GPR158: variants seen among roughly 807,000 people sequenced by gnomAD.
GPR158 encodes the protein G protein-coupled receptor 158, also known as metabotropic glycine receptor.
GPR158 carries 30 observed loss-of-function variants against 78.2 expected under a neutral mutation model. That is an observed-to-expected ratio of 0.38 (90% CI 0.29 to 0.52). The LOEUF is 0.52. Among genes scored for constraint, GPR158 ranks in the 20% least tolerant of loss-of-function variants. The probability of loss-of-function intolerance (pLI) is 0.83; values close to 1 mark genes in which losing one functional copy is unlikely to be tolerated. For missense variants in GPR158, 1,463 were observed against 1,523.5 expected (o/e 0.96, Z 0.66); for synonymous variants, 581 against 591.1 (o/e 0.98, Z 0.25).
At chr10:25,192,724 T>A (rs919542465) in intron 1 of GPR158, among the ~76,000 whole-genome samples, 3 of 151,870 alleles carry the variant, frequency 2.0e-5, no homozygotes, top group Admixed American at 2.0e-4. Flanking sequence ...ATTATTCAAA[T>A]TTTTGAGGGC....
At chr10:25,416,499 C>T (rs1834662228) in intron 4 of GPR158, among the ~76,000 whole-genome samples, 2 of 152,090 alleles carry the variant, frequency 1.3e-5, no homozygotes, top group Non-Finnish European at 1.5e-5. Flanking sequence ...CATCCCCATC[C>T]TCAAAATGAG....
At chr10:25,347,230 A>G (rs1855382641) in intron 2 of GPR158, among the ~76,000 whole-genome samples, 1 of 151,916 alleles carries the variant, frequency 6.6e-6, no homozygotes, top group African/African-American at 2.4e-5. Context: ...GACCTCCTGT[A>G]TTCTCTGGCT....
rs34320289 is a variant in GPR158 at position 25,562,024 on chromosome 10, ATTTTTT to A, written c.1515-10612_1515-10607del. Among the ~76,000 whole-genome samples, 10 of 140,804 alleles carry A rather than the reference ATTTTTT, an allele frequency of 7.1e-5. No homozygotes were observed. The South Asian group carries it at 2.0e-3, about 29-fold the overall frequency. 92.4% of individuals were successfully genotyped at this position (140,804 alleles called of 152,430 possible). A position where few individuals can be genotyped will look rare whatever the true frequency, so the allele number is the denominator to read the frequency against. ...GCAATGTTCAGGAGGATGCAGAAGA[ATTTTTT>A]TTTTTTTTTTTTGCAAGAAAGAGAA... On this transcript the variant is annotated intron_variant, in intron 6 of 10. Transcript: ENST00000376351.
At chr10:25,497,815 C>T (rs1227458412) in intron 5 of GPR158, among the ~76,000 whole-genome samples, 1 of 151,840 alleles carries the variant, frequency 6.6e-6, no homozygotes, top group South Asian at 2.1e-4. Flanking sequence ...AGAAGAGTAC[C>T]CTTCTACTTT....
intron 2 of GPR158, among the ~76,000 whole-genome samples, chr10:25,325,495 C>A (rs571232606): frequency 6.7e-6 from 1 of 149,158 alleles, no homozygotes; most frequent in Non-Finnish European, 1.5e-5. Flanking sequence ...ACACACACTA[C>A]GTTTGCTTTA....
chr10:25,292,214 C>CA (rs1262211487), intron 2 of GPR158, among the ~76,000 whole-genome samples: 2 of 151,980 alleles, frequency 1.3e-5, no homozygotes, highest in African/African-American at 2.4e-5. Flanking sequence ...AGAAAAAAGG[C>CA]ACTTAAGTAA....
chr10:25,226,396 G>A (rs1387133160), intron 2 of GPR158, among the ~76,000 whole-genome samples: 1 of 152,144 alleles, frequency 6.6e-6, no homozygotes, highest in African/African-American at 2.4e-5. Flanking sequence ...GAGTTTCCTT[G>A]TACACTTGTC....
At position 25,551,020 on chromosome 10, in the gene GPR158, C is replaced by G. The variant is rs1443489639; in HGVS notation, c.1449C>G (p.Leu483=). The G allele has an allele frequency of 6.2e-7, 1 of 1,611,326 alleles. No individual in the cohort carries two copies. The highest frequency in any genetic ancestry group is 8.5e-7 in the Non-Finnish European group (1 of 1,177,630). The part of the protein sequence containing the change: ...YFEPSTFRCI[L]LRWARLLGFA... ...AGCCAAGCACATTTCGCTGTATTCTCCTAAGATGGGCTCGTCTTCTCGGTT... is the reference window on the plus strand; with the variant it reads ...AGCCAAGCACATTTCGCTGTATTCTGCTAAGATGGGCTCGTCTTCTCGGTT... Residue 483 remains leucine (L), a synonymous_variant, in exon 6 of 11, where the codon CTC becomes CTG. Transcript: ENST00000376351.
intron 7 of GPR158, among the ~76,000 whole-genome samples, chr10:25,580,716 A>T (rs1215046092): frequency 1.3e-5 from 2 of 152,078 alleles, no homozygotes; most frequent in African/African-American, 4.8e-5. Context: ...ACTATTTTAA[A>T]CATACATTTT....
At chr10:25,284,692 T>C (rs1854322501) in intron 2 of GPR158, among the ~76,000 whole-genome samples, 1 of 151,980 alleles carries the variant, frequency 6.6e-6, no homozygotes, top group African/African-American at 2.4e-5. Flanking sequence ...CTTTATTTTT[T>C]CTCTTTTTCT....
intron 5 of GPR158, among the ~76,000 whole-genome samples, chr10:25,513,733 G>T (rs1017049495): frequency 6.6e-6 from 1 of 151,970 alleles, no homozygotes; most frequent in African/African-American, 2.4e-5. Flanking sequence ...TTATCCTTCA[G>T]TTCAAAGAAT....
At chr10:25,360,218 A>G (rs1564432425) in intron 2 of GPR158, among the ~76,000 whole-genome samples, 1 of 152,114 alleles carries the variant, frequency 6.6e-6, no homozygotes, top group Non-Finnish European at 1.5e-5. Flanking sequence ...GTTTACTCTG[A>G]TGATAGTTTC....
chr10:25,498,335 G>C (rs1835910389), intron 5 of GPR158, among the ~76,000 whole-genome samples: 1 of 152,148 alleles, frequency 6.6e-6, no homozygotes, highest in South Asian at 2.1e-4. Context: ...GAATTTTAAG[G>C]GAAGCCCAGA....
rs771077755 is a variant in GPR158, at chr10:25,175,387, C to G, written c.-34C>G. Reference sequence around the variant, plus strand: ...CCAAATTTAAAAAGTGATTCCCCCCCCTCCCGTTCCCTCCTCTTCTCTCTG... The same window carrying G: ...CCAAATTTAAAAAGTGATTCCCCCCGCTCCCGTTCCCTCCTCTTCTCTCTG... On this transcript the variant is annotated 5_prime_UTR_variant, in exon 1 of 11. Coordinates refer to ENST00000376351, the MANE Select transcript of GPR158 (RefSeq NM_020752.3). This position sits in a 1 kb window ranked among gnomAD's most constrained non-coding sequence, Gnocchi z 6.4. The G allele has an allele frequency of 3.1e-5, 41 of 1,315,006 alleles. No individual in the cohort carries two copies. The highest frequency in any genetic ancestry group is 8.5e-5 in the South Asian group (6 of 70,932). The allele number at this position is 1,315,006 out of a possible 1,614,324, so 81.5% of individuals were successfully genotyped here.
chr10:25,194,572 C>T (rs1852819798), intron 1 of GPR158, among the ~76,000 whole-genome samples: 1 of 151,732 alleles, frequency 6.6e-6, no homozygotes, highest in Non-Finnish European at 1.5e-5. Flanking sequence ...AATGGAAGAG[C>T]CAGAAGTGAG....
intron 4 of GPR158, among the ~76,000 whole-genome samples, chr10:25,422,151 C>T (rs1382652506): frequency 6.6e-6 from 1 of 152,198 alleles, no homozygotes; most frequent in African/African-American, 2.4e-5. Flanking sequence ...CTCTGGGCAG[C>T]ATTTGGGGTT....
At chr10:25,356,825 C>T (rs1261756861) in intron 2 of GPR158, among the ~76,000 whole-genome samples, 1 of 151,968 alleles carries the variant, frequency 6.6e-6, no homozygotes, top group Non-Finnish European at 1.5e-5. Context: ...TGGGGTGCTA[C>T]TATTAAAATA....
At chr10:25,291,980 G>A (rs950412564) in intron 2 of GPR158, among the ~76,000 whole-genome samples, 2 of 151,988 alleles carry the variant, frequency 1.3e-5, no homozygotes, top group African/African-American at 4.8e-5. Context: ...CTGTAGTCAC[G>A]GGGAGTTTAC....
chr10:25,490,278 T>C (rs190211612), intron 5 of GPR158, among the ~76,000 whole-genome samples: 3 of 150,362 alleles, frequency 2.0e-5, no homozygotes, highest in East Asian at 2.0e-4. Flanking sequence ...ATACATACAC[T>C]TTTTTTTTGG....
Sources: gnomAD v4.1 joint callset for allele counts (sites outside exome capture counted in the v4.1 genomes callset) on GRCh38, gnomAD v4.1.1 for gene constraint, Gnocchi (gnomAD v3.1) non-coding constraint, MANE v1.5 for transcripts, NCBI Gene and HGNC (gene_info 2026-07-23, HGNC 2026-07-21) for gene names.